Variants in SAMD4A observed in about 807,000 individuals in gnomAD.
The protein encoded by SAMD4A is sterile alpha motif domain containing 4A.
Under a neutral mutation model 81.3 loss-of-function variants are expected in SAMD4A, and 33 were observed. That is an observed-to-expected ratio of 0.41 (90% CI 0.31 to 0.54). The LOEUF (loss-of-function observed/expected upper bound fraction) is 0.54. Among genes scored for constraint, SAMD4A ranks in the 20% least tolerant of loss-of-function variants. SAMD4A has a pLI of 0.37. For missense variants in SAMD4A, 854 were observed against 951.1 expected (o/e 0.90, Z 1.34); for synonymous variants, 389 against 382.1 (o/e 1.02, Z -0.21).
intron 6 of SAMD4A, among the ~76,000 whole-genome samples, chr14:54,752,588 G>C (rs990629748): frequency 6.6e-6 from 1 of 152,190 alleles, no homozygotes; most frequent in African/African-American, 2.4e-5. Context: ...AGATGTGTGT[G>C]TGTATAATTT....
chr14:54,760,395 C>T lies in SAMD4A; in HGVS notation c.1411C>T (p.Leu471Phe), dbSNP rs769494833. The T allele has an allele frequency of 1.3e-6, 2 of 1,494,562 alleles. No individual in the cohort carries two copies. The highest frequency in any genetic ancestry group is 2.9e-5 in the African/African-American group (2 of 69,154). 92.6% of individuals were successfully genotyped at this position (1,494,562 alleles called of 1,614,324 possible). ...ATPSAGASGG[L>F]QPHQLSSCDG... ...CCCCTCGGCCGGGGCCAGCGGGGGG[C>T]TCCAGCCGCACCAGCTGAGCAGCTG... The change falls in exon 7 of 13, where the codon CTC (leucine) becomes TTC (phenylalanine). Residue 471 changes from leucine to phenylalanine, a missense_variant. By Grantham distance (22) the Leu-to-Phe change is conservative (BLOSUM62 0). Around this residue, in one of 3 missense-constraint regions of SAMD4A, gnomAD observed 428 missense variants for 471.2 expected, o/e 0.91. Transcript: ENST00000554335.
intron 2 of SAMD4A, among the ~76,000 whole-genome samples, chr14:54,575,954 G>A (rs1263193457): frequency 6.8e-6 from 1 of 147,254 alleles, no homozygotes; most frequent in Admixed American, 6.8e-5. Context: ...CTAGCGATCA[G>A]TGTCTTATGG....
chr14:54,688,836 C>T lies in SAMD4A; in HGVS notation c.197-13226C>T, dbSNP rs1006507803. On this transcript the variant is annotated intron_variant, in intron 2 of 12. Coordinates refer to ENST00000554335, the MANE Select transcript of SAMD4A (RefSeq NM_015589.6). Reference sequence around the variant, plus strand: ...TTGGAGGCCATGATTTTCTTGGGTTCTCAAATGTGAACCTGGATCAAAATC... The same window carrying T: ...TTGGAGGCCATGATTTTCTTGGGTTTTCAAATGTGAACCTGGATCAAAATC... 3.3e-5 allele frequency among the ~76,000 whole-genome samples: 5 copies of T among 151,644 alleles called. No homozygotes were observed. In the East Asian group the frequency reaches 9.7e-4, roughly 29 times the overall value.
rs574377348 is a variant in SAMD4A at position 54,775,411 on chromosome 14, T to G, written c.1917+276T>G. Among the ~76,000 whole-genome samples, 454 of 152,336 alleles carry G rather than the reference T, an allele frequency of 3.0e-3. 1 individual carries two copies. The highest frequency in any genetic ancestry group is 0.01 in the African/African-American group (429 of 41,570). On this transcript the variant is annotated intron_variant, in intron 10 of 12. Transcript: ENST00000554335. ...AAGAAATGCAAGACCTATTTCTTCT[T>G]TGCCCCATGCTTGACCTTCTGCCAC... is the stretch of plus-strand genomic sequence containing the variant.
At chr14:54,647,377 C>T (rs1342866934) in intron 2 of SAMD4A, among the ~76,000 whole-genome samples, 1 of 152,136 alleles carries the variant, frequency 6.6e-6, no homozygotes, top group African/African-American at 2.4e-5. Context: ...GTCCCAGGTC[C>T]CCGGCTAGTA....
intron 3 of SAMD4A, among the ~76,000 whole-genome samples, chr14:54,716,046 A>C (rs780048110): frequency 4.6e-5 from 7 of 152,178 alleles, no homozygotes; most frequent in Non-Finnish European, 1.0e-4. Flanking sequence ...TTGTGGTTTC[A>C]TCAAGACAGA....
chr14:54,776,572 C>T, intron 11 of SAMD4A, 32 bp downstream of exon 11: 1 of 1,503,606 alleles, frequency 6.7e-7, no homozygotes, highest in Admixed American at 2.3e-5. Flanking sequence ...CCCCTTGACA[C>T]AGAGGGGAGG....
intron 3 of SAMD4A, among the ~76,000 whole-genome samples, chr14:54,726,718 G>A (rs769238803): frequency 1.1e-4 from 16 of 152,090 alleles, no homozygotes; most frequent in Non-Finnish European, 2.1e-4. Flanking sequence ...TGACCCTGCT[G>A]CAGGGATTCT....
At chr14:54,679,005 T>C (rs1566580262) in intron 2 of SAMD4A, among the ~76,000 whole-genome samples, 1 of 152,210 alleles carries the variant, frequency 6.6e-6, no homozygotes, top group Non-Finnish European at 1.5e-5. Context: ...AGCCAAGAGA[T>C]AGCAGGGAGA....
chr14:54,629,556 G>A (rs1395266269), intron 2 of SAMD4A, among the ~76,000 whole-genome samples: 1 of 151,984 alleles, frequency 6.6e-6, no homozygotes, highest in Non-Finnish European at 1.5e-5. Flanking sequence ...GTATATTTAT[G>A]TTAGTTTTTA....
chr14:54,759,006 G>A (rs954050942), intron 6 of SAMD4A, among the ~76,000 whole-genome samples: 2 of 152,194 alleles, frequency 1.3e-5, no homozygotes, highest in African/African-American at 4.8e-5. Flanking sequence ...CCAGCCACAA[G>A]TGTTTGGGCC....
At chr14:54,751,091 ATCTC>A (rs780007068) in intron 5 of SAMD4A, among the ~76,000 whole-genome samples, 86 of 152,202 alleles carry the variant, frequency 5.7e-4, no homozygotes, top group Middle Eastern at 6.8e-3. Context: ...GCAAAACCCC[ATCTC>A]TACTAAAAAT....
intron 2 of SAMD4A, among the ~76,000 whole-genome samples, chr14:54,682,581 C>G (rs1179798035): frequency 6.6e-6 from 1 of 152,176 alleles, no homozygotes; most frequent in African/African-American, 2.4e-5. Flanking sequence ...GTATTTGAAG[C>G]ATTTACTTAT....
chr14:54,606,742 A>G (rs1316869986), intron 2 of SAMD4A, among the ~76,000 whole-genome samples: 1 of 152,216 alleles, frequency 6.6e-6, no homozygotes, highest in East Asian at 1.9e-4. Context: ...AGCAAGCTAC[A>G]TGGTATGTGG....
At chr14:54,614,935 A>G (rs1453298200) in intron 2 of SAMD4A, among the ~76,000 whole-genome samples, 1 of 152,192 alleles carries the variant, frequency 6.6e-6, no homozygotes, top group East Asian at 1.9e-4. Context: ...CAATCATCTC[A>G]AAATGTGCCA....
intron 2 of SAMD4A, among the ~76,000 whole-genome samples, chr14:54,572,588 A>T (rs2033161031): frequency 6.6e-6 from 1 of 152,256 alleles, no homozygotes; most frequent in African/African-American, 2.4e-5. Flanking sequence ...GGATGGAAAT[A>T]GAGAAAAAAG....
intron 2 of SAMD4A, among the ~76,000 whole-genome samples, chr14:54,588,017 CT>C (rs1045507401): frequency 7.3e-5 from 11 of 151,062 alleles, no homozygotes; most frequent in Admixed American, 3.3e-4. Context: ...TCGTCCTGGA[CT>C]TTTTTTTTGT....
Position 54,684,861 on chromosome 14 carries a change from C to T in SAMD4A, c.197-17201C>T, listed in dbSNP as rs974357087. On this transcript the variant is annotated intron_variant, in intron 2 of 12. Transcript: ENST00000554335. ...GCAGCGTTTGACTTGGGGGTTAAGC[C>T]GGGTGCCTCAGGGCGGGACCTGGAA... Among the ~76,000 whole-genome samples, 11 of 152,314 alleles carry T rather than the reference C, an allele frequency of 7.2e-5. 1 individual carries two copies. The highest frequency in any genetic ancestry group is 3.3e-4 in the Admixed American group (5 of 15,298).
At chr14:54,645,156 A>G (rs1448351268) in intron 2 of SAMD4A, among the ~76,000 whole-genome samples, 3 of 152,200 alleles carry the variant, frequency 2.0e-5, no homozygotes, top group African/African-American at 2.4e-5. Context: ...AATAGGACCC[A>G]AGGACTTAAA....
Sources: gnomAD v4.1 joint callset for allele counts (sites outside exome capture counted in the v4.1 genomes callset) on GRCh38, gnomAD v4.1.1 for gene constraint, gnomAD v4.1.1 regional missense constraint, MANE v1.5 for transcripts, NCBI Gene and HGNC (gene_info 2026-07-23, HGNC 2026-07-21) for gene names.